The following SMARCA2 variants were observed in gnomAD, a reference collection of about 807,000 sequenced individuals.
The protein encoded by SMARCA2 is SWI/SNF-related matrix-associated actin-dependent regulator of chromatin subfamily A member 2.
In SMARCA2, 61 loss-of-function variants were observed where a neutral mutation model predicts 199.8. The ratio of observed to expected loss-of-function variants is 0.31; its 90% CI spans 0.25 to 0.38. The LOEUF is 0.38. SMARCA2 is among the 10% of genes least tolerant of loss of function. The pLI is 1.00. For synonymous variants in SMARCA2, 935 were observed against 732.0 expected (o/e 1.28, Z -4.48); for missense variants, 1,344 against 2,012.2 (o/e 0.67, Z 6.35).
intron 3 of SMARCA2, among the ~76,000 whole-genome samples, chr9:2,035,889 A>G (rs531267624): frequency 6.6e-6 from 1 of 152,314 alleles, no homozygotes; most frequent in African/African-American, 2.4e-5. Context: ...TTATATAATG[A>G]TCTAAAAAGA....
At chr9:2,061,536 C>G (rs561329527) in intron 9 of SMARCA2, among the ~76,000 whole-genome samples, 27 of 152,258 alleles carry the variant, frequency 1.8e-4, no homozygotes, top group Non-Finnish European at 3.2e-4. Flanking sequence ...TGAAATATCT[C>G]CTAATTATCA....
chr9:2,092,054 A>G (rs1251624287), intron 19 of SMARCA2, among the ~76,000 whole-genome samples: 1 of 152,224 alleles, frequency 6.6e-6, no homozygotes, highest in Non-Finnish European at 1.5e-5. Flanking sequence ...TTTCTTATGC[A>G]CGGGAAAGAA....
intron 1 of SMARCA2, among the ~76,000 whole-genome samples, chr9:2,028,188 C>T (rs1039101907): frequency 6.6e-6 from 1 of 152,232 alleles, no homozygotes; most frequent in East Asian, 1.9e-4. Flanking sequence ...CTGGTTTTAA[C>T]TGTCTGAGGG....
chr9:2,016,442 TC>T lies in SMARCA2; in HGVS notation c.-37+1039del, dbSNP rs1818356619. ...CTCCCCGGGTCCGTGTTCTTTTGCT[TC>T]GCGTCTTCCCCTTGCTTGCGCCGCG... On this transcript the variant is annotated intron_variant, in intron 1 of 33. Coordinates refer to ENST00000349721, the MANE Select transcript of SMARCA2 (RefSeq NM_003070.5). The surrounding 1 kb of genome is among the most constrained non-coding windows in gnomAD (Gnocchi z 5.6). 1 of 152,356 alleles carries T rather than the reference TC, an allele frequency of 6.6e-6. No individual in the cohort carries two copies. Among genetic ancestry groups the T allele is most frequent in the African/African-American group, 2.4e-5 (1 of 41,418 alleles). 9.4% of individuals were successfully genotyped at this position (152,356 alleles called of 1,614,324 possible). A position where few individuals can be genotyped will look rare whatever the true frequency, so the allele number is the denominator to read the frequency against.
chr9:2,125,118 G>A (rs1264694204), intron 27 of SMARCA2, among the ~76,000 whole-genome samples: 3 of 152,166 alleles, frequency 2.0e-5, no homozygotes, highest in Non-Finnish European at 2.9e-5. Flanking sequence ...TCTTGTCACC[G>A]CTTGAGATGT....
intron 5 of SMARCA2, among the ~76,000 whole-genome samples, chr9:2,048,480 T>C (rs191685691): frequency 2.0e-4 from 30 of 152,334 alleles, no homozygotes; most frequent in African/African-American, 7.0e-4. Context: ...ACTTTAATTT[T>C]AAGGAAAATT....
chr9:2,170,576 T>C lies in SMARCA2; in HGVS notation c.4253+104T>C, dbSNP rs1469033782. 1 of 1,580,506 alleles carries C rather than the reference T, an allele frequency of 6.3e-7. No individual in the cohort carries two copies. The highest frequency in any genetic ancestry group is 8.6e-7 in the Non-Finnish European group (1 of 1,157,142). On this transcript the variant is annotated intron_variant, in intron 29 of 33. Coordinates refer to ENST00000349721, the MANE Select transcript of SMARCA2 (RefSeq NM_003070.5). The surrounding 1 kb of genome is among the most constrained non-coding windows in gnomAD (Gnocchi z 4.7). Reference sequence around the variant, plus strand: ...GGCCTTTGGAAGCAAATTTCTTCGGTCACCTCCTGATCACCCCTACTTGGA... The same window carrying C: ...GGCCTTTGGAAGCAAATTTCTTCGGCCACCTCCTGATCACCCCTACTTGGA...
At chr9:2,057,400 G>C (rs1445976478) in intron 7 of SMARCA2, among the ~76,000 whole-genome samples, 1 of 152,092 alleles carries the variant, frequency 6.6e-6, no homozygotes, top group Non-Finnish European at 1.5e-5. Flanking sequence ...CATTACATTG[G>C]GAGTTAGCAT....
At chr9:2,135,946 A>G (rs1824175727) in intron 27 of SMARCA2, among the ~76,000 whole-genome samples, 1 of 152,022 alleles carries the variant, frequency 6.6e-6, no homozygotes, top group Non-Finnish European at 1.5e-5. Flanking sequence ...GGTTCAAGTA[A>G]TTCTTCTGCC....
At position 2,096,474 on chromosome 9, in the gene SMARCA2, A is replaced by G. The variant is rs1014884775; in HGVS notation, c.2884-183A>G. 107 of 530,468 alleles carry G rather than the reference A, an allele frequency of 2.0e-4. No individual in the cohort carries two copies. In the East Asian group the frequency reaches 3.1e-3, roughly 15 times the overall value. The allele number at this position is 530,468 out of a possible 1,614,324, so 32.9% of individuals were successfully genotyped here. On this transcript the variant is annotated intron_variant, in intron 19 of 33. Coordinates refer to ENST00000349721, the MANE Select transcript of SMARCA2 (RefSeq NM_003070.5). Reference sequence around the variant, plus strand: ...CAGAAGGCCCCCCCATCATAATGGTACCTTGAACAATGATGACTCTGGTCT... The same window carrying G: ...CAGAAGGCCCCCCCATCATAATGGTGCCTTGAACAATGATGACTCTGGTCT...
chr9:2,179,242 T>C (rs1038387712), intron 29 of SMARCA2, among the ~76,000 whole-genome samples: 8 of 152,174 alleles, frequency 5.3e-5, no homozygotes, highest in African/African-American at 7.2e-5. Context: ...GTTGGGTTTT[T>C]AGAGAATGAG....
At position 2,119,583 on chromosome 9, in the gene SMARCA2, C is replaced by G; in HGVS notation, c.3762+48C>G. 1 of 1,297,988 alleles carries G rather than the reference C, an allele frequency of 7.7e-7. No individual in the cohort carries two copies. Among genetic ancestry groups the G allele is most frequent in the Non-Finnish European group, 1.1e-6 (1 of 895,628 alleles). The allele number at this position is 1,297,988 out of a possible 1,614,324, so 80.4% of individuals were successfully genotyped here. On this transcript the variant is annotated intron_variant, in intron 26 of 33. Coordinates refer to ENST00000349721, the MANE Select transcript of SMARCA2 (RefSeq NM_003070.5). The surrounding 1 kb of genome is among the most constrained non-coding windows in gnomAD (Gnocchi z 4.6). The stretch of plus-strand genomic sequence containing the variant: ...ACACAAATGCTTTATACCTCTGCCC[C>G]TTTTTCTGTTAAGCAGAATGTCTGC...
intron 27 of SMARCA2, among the ~76,000 whole-genome samples, chr9:2,133,933 G>C (rs7029519): frequency 0.34 from 51,500 of 151,986 alleles, 15,180 homozygotes; most frequent in African/African-American, 0.8. Flanking sequence ...CTAATTAGCT[G>C]TGTGACCTTG....
At chr9:2,097,046 G>A in intron 20 of SMARCA2, 1 of 497,232 alleles carries the variant, frequency 2.0e-6, no homozygotes, top group Non-Finnish European at 3.6e-6. Flanking sequence ...TGGCATTTTA[G>A]AAGGTTTTAA....
intron 1 of SMARCA2, 135 bp from the exon 2 acceptor site, chr9:2,028,852 A>T: frequency 1.4e-6 from 1 of 695,484 alleles, no homozygotes; most frequent in Non-Finnish European, 2.4e-6. Context: ...ACTCACTCAA[A>T]CATCTGGACT....
intron 27 of SMARCA2, among the ~76,000 whole-genome samples, chr9:2,128,492 G>C (rs1823795614): frequency 6.6e-6 from 1 of 152,214 alleles, no homozygotes; most frequent in Non-Finnish European, 1.5e-5. Context: ...CACTGTGCTA[G>C]AAGATGCAGG....
chr9:2,155,398 T>G (rs1053039453), intron 27 of SMARCA2, among the ~76,000 whole-genome samples: 10 of 152,138 alleles, frequency 6.6e-5, no homozygotes, highest in African/African-American at 2.4e-4. Flanking sequence ...TTCTCCTGCC[T>G]CAGCCTCCCG....
intron 31 of SMARCA2, among the ~76,000 whole-genome samples, chr9:2,182,948 G>A (rs1294409897): frequency 6.6e-6 from 1 of 151,604 alleles, no homozygotes. Flanking sequence ...GCGCCACCAC[G>A]CCAGGCAAAT....
chr9:2,183,502 C>G (rs1229680957), intron 31 of SMARCA2, among the ~76,000 whole-genome samples: 1 of 152,208 alleles, frequency 6.6e-6, no homozygotes, highest in East Asian at 1.9e-4. Context: ...CTGATGCCTT[C>G]AGACCCATGA....
Sources: allele counts gnomAD v4.1 joint callset (sites outside exome capture counted in the v4.1 genomes callset), GRCh38; gene constraint gnomAD v4.1.1; non-coding constraint Gnocchi (gnomAD v3.1); transcripts MANE v1.5; gene names NCBI Gene and HGNC (gene_info 2026-07-23, HGNC 2026-07-21).